Variants in PCDH11Y observed in about 807,000 individuals in gnomAD.
PCDH11Y encodes protocadherin 11 Y-linked.
For synonymous variants in PCDH11Y, 9 were observed against 83.6 expected (o/e 0.11, Z 4.87); for missense variants, 12 against 224.8 (o/e 0.05, Z 6.05).
At chrY:5,545,279 C>G in intron 3 of PCDH11Y, among the ~76,000 whole-genome samples, 2 of 31,589 alleles carry the variant, frequency 6.3e-5, no homozygotes, top group Non-Finnish European at 1.6e-4. Context: ...TCCTTTGTAG[C>G]CTTCATTTCA....
At chrY:5,684,162 A>C (rs2053561008) in intron 4 of PCDH11Y, among the ~76,000 whole-genome samples, 27 of 33,610 alleles carry the variant, frequency 8.0e-4, no homozygotes, top group African/African-American at 3.0e-3. Context: ...AGATCTGAAT[A>C]GACATTTCTC....
At chrY:5,738,010 T>C in exon 5 of PCDH11Y, 1 of 282,616 alleles carries the variant, frequency 3.5e-6, no homozygotes, top group South Asian at 3.5e-5. Flanking sequence ...ACAATTCCAA[T>C]GAGTATTCTG....
chrY:5,307,003 T>G (rs572739070), intron 2 of PCDH11Y, among the ~76,000 whole-genome samples: 318 of 33,245 alleles, frequency 9.6e-3, no homozygotes, highest in South Asian at 0.041. Context: ...AATAGTGTGA[T>G]AGGTTTTGCT....
intron 4 of PCDH11Y, among the ~76,000 whole-genome samples, chrY:5,622,662 C>T (rs2124702504): frequency 9.2e-5 from 3 of 32,548 alleles, no homozygotes; most frequent in Admixed American, 2.9e-4. Flanking sequence ...CCTAAACGCC[C>T]ATCAATGATA....
At chrY:5,274,934 G>T in intron 2 of PCDH11Y, among the ~76,000 whole-genome samples, 2 of 34,807 alleles carry the variant, frequency 5.7e-5, no homozygotes, top group Non-Finnish European at 1.4e-4. Flanking sequence ...TGAATATAAA[G>T]GATAGTAGAA....
chrY:5,414,077 T>C, intron 2 of PCDH11Y, among the ~76,000 whole-genome samples: 1 of 33,166 alleles, frequency 3.0e-5, no homozygotes, highest in Non-Finnish European at 7.4e-5. Flanking sequence ...TTATGGTTTT[T>C]AGCATCTCAA....
At chrY:5,100,194 A>C in exon 2 of PCDH11Y, 1 of 395,129 alleles carries the variant, frequency 2.5e-6, no homozygotes, top group South Asian at 3.0e-5. Context: ...GCCAGGCACC[A>C]CACCTTAAGG....
At chrY:5,263,976 C>G in intron 2 of PCDH11Y, among the ~76,000 whole-genome samples, 2 of 33,080 alleles carry the variant, frequency 6.0e-5, no homozygotes, top group African/African-American at 2.4e-4. Context: ...TATGGCTAAG[C>G]TGGTTCTTGA....
chrY:5,299,707 TCTC>T, intron 2 of PCDH11Y, among the ~76,000 whole-genome samples: 1 of 30,539 alleles, frequency 3.3e-5, no homozygotes, highest in South Asian at 7.6e-4. Flanking sequence ...GGGATTGTGT[TCTC>T]CTTCTTGCAA....
chrY:5,651,196 G>C, intron 4 of PCDH11Y, among the ~76,000 whole-genome samples: 7 of 32,301 alleles, frequency 2.2e-4, no homozygotes, highest in Non-Finnish European at 1.5e-4. Context: ...GTGGACACTG[G>C]AGAAAATAAG....
chrY:5,557,699 T>C, intron 3 of PCDH11Y, among the ~76,000 whole-genome samples: 1 of 32,939 alleles, frequency 3.0e-5, no homozygotes, highest in Non-Finnish European at 7.5e-5. Context: ...GGCTAGCTCT[T>C]CCAATACTAT....
chrY:5,198,384 G>T (rs1485477628), intron 2 of PCDH11Y, among the ~76,000 whole-genome samples: 6 of 31,984 alleles, frequency 1.9e-4, no homozygotes, highest in Admixed American at 1.7e-3. Flanking sequence ...CTGACCTCAG[G>T]TGATCCACCC....
intron 3 of PCDH11Y, among the ~76,000 whole-genome samples, chrY:5,561,384 G>A: frequency 1.6e-4 from 5 of 31,334 alleles, no homozygotes; most frequent in African/African-American, 2.5e-4. Context: ...GAAATGTTAA[G>A]ACATGAGATT....
At chrY:5,327,087 T>A in intron 2 of PCDH11Y, among the ~76,000 whole-genome samples, 1 of 33,321 alleles carries the variant, frequency 3.0e-5, no homozygotes, top group Non-Finnish European at 7.4e-5. Context: ...AGGAGAATTA[T>A]GCCGAAATAG....
At chrY:5,431,737 T>C in intron 2 of PCDH11Y, among the ~76,000 whole-genome samples, 1 of 33,495 alleles carries the variant, frequency 3.0e-5, no homozygotes, top group Non-Finnish European at 7.4e-5. Context: ...AATAAATCTA[T>C]AGAATATTTT....
chrY:5,340,651 A>C, intron 2 of PCDH11Y, among the ~76,000 whole-genome samples: 1 of 33,933 alleles, frequency 2.9e-5, no homozygotes, highest in Non-Finnish European at 7.3e-5. Context: ...AGTTAGCTCA[A>C]CACTTAGCTT....
At chrY:5,443,474 G>A (rs2053284386) in intron 2 of PCDH11Y, among the ~76,000 whole-genome samples, 25 of 32,910 alleles carry the variant, frequency 7.6e-4, no homozygotes, top group African/African-American at 2.6e-3. Flanking sequence ...TACATGATAA[G>A]ACTGAATGCT....
intron 2 of PCDH11Y, among the ~76,000 whole-genome samples, chrY:5,229,607 C>T: frequency 3.1e-5 from 1 of 32,299 alleles, no homozygotes; most frequent in African/African-American, 1.2e-4. Flanking sequence ...AGCCACTGCG[C>T]CTGGCCTATG....
chrY:5,462,794 G>A, intron 2 of PCDH11Y, among the ~76,000 whole-genome samples: 1 of 31,564 alleles, frequency 3.2e-5, no homozygotes, highest in Admixed American at 2.9e-4. Context: ...GCACTGCCAC[G>A]CCCAGTCAAT....
Sources: gnomAD v4.1 joint callset for allele counts (sites outside exome capture counted in the v4.1 genomes callset) on GRCh38, gnomAD v4.1.1 for gene constraint, MANE v1.5 for transcripts, NCBI Gene and HGNC (gene_info 2026-07-23, HGNC 2026-07-21) for gene names.